TTC39A: variants seen among roughly 807,000 people sequenced by gnomAD.
TTC39A encodes tetratricopeptide repeat protein 39A.
Under a neutral mutation model 82.3 loss-of-function variants are expected in TTC39A, and 46 were observed. The ratio of observed to expected loss-of-function variants is 0.56; its 90% CI spans 0.44 to 0.71. TTC39A has a LOEUF of 0.71. Among genes scored for constraint, TTC39A ranks in the 30% least tolerant of loss-of-function variants. TTC39A has a pLI of 0.00. For synonymous variants in TTC39A, 254 were observed against 275.2 expected, an observed-to-expected ratio of 0.92 and a Z score of 0.76; for missense variants, 543 against 712.9, an observed-to-expected ratio of 0.76 and a Z score of 2.71.
chr1:51,292,341 G>A (rs901895836), intron 14 of TTC39A, among the ~76,000 whole-genome samples: 1 of 152,188 alleles, frequency 6.6e-6, no homozygotes, highest in African/African-American at 2.4e-5. Context: ...CATTATTGTT[G>A]TGGTTCTTGT....
upstream of TTC39A, among the ~76,000 whole-genome samples, chr1:51,332,884 C>T (rs542656560): frequency 1.7e-3 from 256 of 152,222 alleles, no homozygotes; most frequent in African/African-American, 6.1e-3. Flanking sequence ...AACTTTGTTT[C>T]ATGCACAAAA....
intron 2 of TTC39A, among the ~76,000 whole-genome samples, chr1:51,320,410 CTTTTTCTTTTTTT>C (rs947052443): frequency 2.4e-5 from 3 of 124,328 alleles, no homozygotes; most frequent in Non-Finnish European, 4.9e-5. Flanking sequence ...TTTTCTTTTT[CTTTTTCTTTTTTT>C]TTTTTTTTTT....
At chr1:51,316,617 G>A (rs543847495) in intron 2 of TTC39A, among the ~76,000 whole-genome samples, 73 of 152,286 alleles carry the variant, frequency 4.8e-4, no homozygotes, top group African/African-American at 7.2e-4. Context: ...CCTCAGCCTC[G>A]GCCAGGCCTG....
chr1:51,328,243 C>T (rs930673811), intron 1 of TTC39A, among the ~76,000 whole-genome samples: 1 of 152,036 alleles, frequency 6.6e-6, no homozygotes, highest in African/African-American at 2.4e-5. Context: ...CCAGCAATTC[C>T]ACTACTAAGG....
chr1:51,290,429 G>A, intron 15 of TTC39A, 85 bp downstream of exon 15: 1 of 1,226,922 alleles, frequency 8.2e-7, no homozygotes, highest in Non-Finnish European at 1.1e-6. Flanking sequence ...GTAGGGAAAG[G>A]AGGAAGGACA....
chr1:51,321,818 C>T lies in TTC39A; in HGVS notation c.49G>A (p.Glu17Lys). Reference sequence around the variant, plus strand: ...TCCAGGGCCTCATGGAGGCTGCTCTCAGGAGTCCTGGGGGAAGAGATGCGG... The same window carrying T: ...TCCAGGGCCTCATGGAGGCTGCTCTTAGGAGTCCTGGGGGAAGAGATGCGG... ...APGALPAGTP[E>K]SSLHEALDQC... Residue 17 changes from glutamate (E) to lysine (K), a missense_variant, in exon 2 of 18, where the codon GAG (glutamate) becomes AAG (lysine). Physicochemically the swap from Glu to Lys is moderately conservative, Grantham distance 56 (BLOSUM62 1). Coordinates refer to ENST00000680483, the MANE Select transcript of TTC39A (RefSeq NM_001297663.2). The surrounding 1 kb of genome is among the most constrained non-coding windows in gnomAD (Gnocchi z 4.6). The T allele has an allele frequency of 1.2e-6, 2 of 1,613,464 alleles. No homozygotes were observed. Among genetic ancestry groups the T allele is most frequent in the Admixed American group, 1.7e-5 (1 of 59,956 alleles).
chr1:51,291,423 G>A lies in TTC39A; in HGVS notation c.1267-798C>T, dbSNP rs1014363261. On this transcript the variant is annotated intron_variant, in intron 14 of 17. Coordinates refer to ENST00000680483, the MANE Select transcript of TTC39A (RefSeq NM_001297663.2). ...GGAGAATCACTTGAATCCAGGAAGC[G>A]GAAGTTGCAGTGAGCCGAGATGGCA... 9.9e-5 allele frequency among the ~76,000 whole-genome samples: 15 copies of A among 151,678 alleles called. 1 individual carries two copies. Among genetic ancestry groups the A allele is most frequent in the South Asian group, 4.2e-4 (2 of 4,790 alleles).
Position 51,309,267 on chromosome 1 carries a change from G to A in TTC39A, c.482C>T (p.Thr161Ile). ...GATGGCCAGCCCCACTCACTTGTAG[G>A]TCTGGTAGCTGTTTCGAACTTTGAT... is the stretch of plus-strand genomic sequence containing the variant. The part of the protein sequence containing the change: ...GGIKVRNSYQ[T>I]YKELDSLVQS... The change falls in exon 6 of 18, where the codon ACC becomes ATC. Residue 161 changes from threonine to isoleucine, a missense_variant. By Grantham distance (89) the Thr-to-Ile change is moderately conservative. Coordinates refer to ENST00000680483, the MANE Select transcript of TTC39A (RefSeq NM_001297663.2). 6.2e-7 allele frequency: 1 copy of A among 1,610,116 alleles called. No homozygotes were observed. Among genetic ancestry groups the A allele is most frequent in the South Asian group, 1.1e-5 (1 of 90,126 alleles).
rs748325268 is a variant in TTC39A, at chr1:51,312,104, T to C, written c.355+15A>G. 2.0e-5 allele frequency: 32 copies of C among 1,608,390 alleles called. No individual in the cohort carries two copies. The African/African-American group carries it at 2.9e-4, about 15-fold the overall frequency. On this transcript the variant is annotated intron_variant, in intron 4 of 17. Transcript: ENST00000680483. ...TGGGCTTAGCATGGTTGAAAGGATG[T>C]CCTGGATGCCACACCTTCAGTGAAT...
intron 7 of TTC39A, among the ~76,000 whole-genome samples, 195 bp from the exon 8 acceptor site, chr1:51,305,341 G>A (rs111967406): frequency 2.0e-5 from 3 of 152,302 alleles, no homozygotes; most frequent in African/African-American, 7.2e-5. Context: ...GGGTCCATGG[G>A]CAGGTGCCAG....
chr1:51,332,946 C>T (rs1645931072), upstream of TTC39A, among the ~76,000 whole-genome samples: 3 of 152,136 alleles, frequency 2.0e-5, no homozygotes, highest in Admixed American at 2.0e-4. Flanking sequence ...GGCATGGTGG[C>T]TCATGCCTGT....
intron 1 of TTC39A, chr1:51,342,883 T>C (rs998615162): frequency 1.4e-5 from 5 of 365,058 alleles, no homozygotes; most frequent in Admixed American, 5.9e-5. Context: ...ATTTCTTCCT[T>C]CTTAGCGTCT....
upstream of TTC39A, among the ~76,000 whole-genome samples, chr1:51,332,117 G>A (rs1317755257): frequency 6.6e-6 from 1 of 152,220 alleles, no homozygotes; most frequent in Admixed American, 6.5e-5. Flanking sequence ...AGTCATTCAT[G>A]TAACCGGGGG....
intron 12 of TTC39A, 58 bp from the exon 13 acceptor site, chr1:51,296,228 C>G: frequency 2.0e-6 from 3 of 1,522,504 alleles, no homozygotes; most frequent in South Asian, 1.2e-5. Flanking sequence ...CCCAGCCGGG[C>G]TGGAATCTGC....
At position 51,288,407 on chromosome 1, in the gene TTC39A, A is replaced by G; in HGVS notation, c.1611-127T>C. On this transcript the variant is annotated intron_variant, in intron 17 of 17. Transcript: ENST00000680483. The surrounding 1 kb of genome is among the most constrained non-coding windows in gnomAD (Gnocchi z 4.8). Reference sequence around the variant, plus strand: ...TAGAGAAATTAATGTGTCCAGAGAGAGTTGAGCCCTACCCAATGGGAGAGT... The same window carrying G: ...TAGAGAAATTAATGTGTCCAGAGAGGGTTGAGCCCTACCCAATGGGAGAGT... 6.8e-7 allele frequency: 1 copy of G among 1,464,252 alleles called. No individual in the cohort carries two copies. The highest frequency in any genetic ancestry group is 1.3e-5 in the South Asian group (1 of 77,072). 90.7% of individuals were successfully genotyped at this position (1,464,252 alleles called of 1,614,324 possible). A position where few individuals can be genotyped will look rare whatever the true frequency, so the allele number is the denominator to read the frequency against.
In TTC39A at chr1:51,287,983, C is replaced by T; in HGVS notation, c.*174G>A. 1 of 1,079,306 alleles carries T rather than the reference C, an allele frequency of 9.3e-7. No homozygotes were observed. The highest frequency in any genetic ancestry group is 1.3e-6 in the Non-Finnish European group (1 of 773,008). 66.9% of individuals were successfully genotyped at this position (1,079,306 alleles called of 1,614,324 possible). A position where few individuals can be genotyped will look rare whatever the true frequency, so the allele number is the denominator to read the frequency against. On this transcript the variant is annotated 3_prime_UTR_variant, in exon 18 of 18. Coordinates refer to ENST00000680483, the MANE Select transcript of TTC39A (RefSeq NM_001297663.2). ...TGCCCTTGGCAAAGGCCCTTGGCTA[C>T]ACTGGTGAAAATGCCAGCTCGGCTT... is the stretch of plus-strand genomic sequence containing the variant.
chr1:51,312,858 G>A lies in TTC39A; in HGVS notation c.232C>T (p.Leu78=). Residue 78 remains leucine, a synonymous_variant, in exon 3 of 18, where the codon CTG becomes TTG. Coordinates refer to ENST00000680483, the MANE Select transcript of TTC39A (RefSeq NM_001297663.2). The part of the protein sequence containing the change: ...AMMTFDPQDI[L]LAGNMMKEAQ... ...TCCTTCATCATGTTGCCGGCAAGCA[G>A]GATGTCCTGAGGGTCAAAGGTCATC... 1 of 1,613,970 alleles carries A rather than the reference G, an allele frequency of 6.2e-7. No individual in the cohort carries two copies. The highest frequency in any genetic ancestry group is 1.1e-5 in the South Asian group (1 of 91,084).
intron 3 of TTC39A, 37 bp downstream of exon 3, chr1:51,312,775 C>T (rs374778735): frequency 6.2e-7 from 1 of 1,602,206 alleles, no homozygotes; most frequent in East Asian, 2.2e-5. Flanking sequence ...CAGGGTGGGC[C>T]TCCCAACCTC....
At chr1:51,334,863 C>G (rs189437164), upstream of TTC39A, 1 of 152,250 alleles carries the variant, frequency 6.6e-6, no homozygotes, top group Admixed American at 6.5e-5. Flanking sequence ...GGTGAGTCAG[C>G]GCATCAGAGT....
Sources: gnomAD v4.1 joint callset for allele counts (sites outside exome capture counted in the v4.1 genomes callset) on GRCh38, gnomAD v4.1.1 for gene constraint, Gnocchi (gnomAD v3.1) non-coding constraint, MANE v1.5 for transcripts, NCBI Gene and HGNC (gene_info 2026-07-23, HGNC 2026-07-21) for gene names.